The following KRCC1 variants were observed in gnomAD, a reference collection of about 807,000 sequenced individuals.
KRCC1 encodes lysine rich coiled-coil 1.
Under a neutral mutation model 7.4 loss-of-function variants are expected in KRCC1, and 3 were observed. That is an observed-to-expected ratio of 0.40 (90% CI 0.18 to 1.04). The LOEUF is 1.04. Among genes scored for constraint, KRCC1 ranks in the 50% least tolerant of loss-of-function variants. The probability of loss-of-function intolerance (pLI) is 0.33; values close to 1 mark genes in which losing one functional copy is unlikely to be tolerated. For missense variants in KRCC1, 277 were observed against 300.9 expected (o/e 0.92, Z 0.59); for synonymous variants, 102 against 101.6 (o/e 1.00, Z -0.02).
chr2:88,042,039 T>G (rs1404177619), intron 1 of KRCC1, among the ~76,000 whole-genome samples: 1 of 150,378 alleles, frequency 6.6e-6, no homozygotes, highest in Non-Finnish European at 1.5e-5. Flanking sequence ...TTCATCTTGT[T>G]ATGGGTTTAG....
rs1263223722 is a variant in KRCC1, at chr2:88,047,424, CAT to C, written c.-291+8200_-291+8201del. On this transcript the variant is annotated intron_variant, in intron 1 of 3. Coordinates refer to ENST00000347055, the MANE Select transcript of KRCC1 (RefSeq NM_016618.3). ...CATATGAAATGTTTTTCAGACATCTCATGTTTGATGAATAAATCAACTGAATT... is the reference window on the plus strand; with the variant it reads ...CATATGAAATGTTTTTCAGACATCTCGTTTGATGAATAAATCAACTGAATT... Among the ~76,000 whole-genome samples the C allele has an allele frequency of 3.3e-5, 5 of 151,964 alleles. 1 individual carries two copies. In the East Asian group the frequency reaches 9.7e-4, roughly 30 times the overall value.
In KRCC1 at chr2:88,027,444, A is replaced by C. The variant is rs1182983225; in HGVS notation, c.*340T>G. On this transcript the variant is annotated 3_prime_UTR_variant, in exon 4 of 4. Transcript: ENST00000347055. ...AAAACTATAACAAACCCAATCAAGA[A>C]ACAGATTGTGCAAAGGTCATTAATC... The C allele has an allele frequency of 1.0e-5, 2 of 193,764 alleles. No homozygotes were observed. Among genetic ancestry groups the C allele is most frequent in the Non-Finnish European group, 2.1e-5 (2 of 95,820 alleles). 12.0% of individuals were successfully genotyped at this position (193,764 alleles called of 1,614,324 possible).
chr2:88,045,244 G>A (rs1052755635), intron 1 of KRCC1, among the ~76,000 whole-genome samples: 1 of 152,066 alleles, frequency 6.6e-6, no homozygotes, highest in Non-Finnish European at 1.5e-5. Flanking sequence ...CTGTGTATTT[G>A]ACATGAAAAC....
At chr2:88,054,814 T>C (rs190432752) in intron 1 of KRCC1, among the ~76,000 whole-genome samples, 59 of 152,290 alleles carry the variant, frequency 3.9e-4, no homozygotes, top group African/African-American at 1.4e-3. Flanking sequence ...AGGTACATAT[T>C]AAAACTCAGC....
chr2:88,050,389 G>A (rs1265906379), intron 1 of KRCC1, among the ~76,000 whole-genome samples: 1 of 152,186 alleles, frequency 6.6e-6, no homozygotes, highest in East Asian at 1.9e-4. Flanking sequence ...AGGAGGCTGA[G>A]GTAGGCAGAT....
chr2:88,048,029 A>C (rs1673381680), intron 1 of KRCC1, among the ~76,000 whole-genome samples: 1 of 151,804 alleles, frequency 6.6e-6, no homozygotes, highest in African/African-American at 2.4e-5. Flanking sequence ...GACATTTTAT[A>C]TCTCTCCATC....
At chr2:88,052,217 CAG>C (rs1673505778) in intron 1 of KRCC1, among the ~76,000 whole-genome samples, 1 of 152,226 alleles carries the variant, frequency 6.6e-6, no homozygotes, top group Admixed American at 6.5e-5. Flanking sequence ...CTTAAACTGT[CAG>C]ACTTTTTTTT....
chr2:88,055,291 G>C (rs1273931361), intron 1 of KRCC1, among the ~76,000 whole-genome samples: 1 of 151,884 alleles, frequency 6.6e-6, no homozygotes, highest in African/African-American at 2.4e-5. Flanking sequence ...CTCAATTTTC[G>C]AGTTTCCTCA....
At chr2:88,040,823 G>A (rs1673195758) in intron 1 of KRCC1, among the ~76,000 whole-genome samples, 1 of 149,852 alleles carries the variant, frequency 6.7e-6, no homozygotes, top group African/African-American at 2.6e-5. Context: ...TGTGTTCTTG[G>A]TGAGGGGTTT....
intron 3 of KRCC1, among the ~76,000 whole-genome samples, chr2:88,029,831 TATAA>T (rs1672958234): frequency 1.6e-5 from 2 of 125,782 alleles, no homozygotes; most frequent in Non-Finnish European, 3.4e-5. Flanking sequence ...ATTATATATA[TATAA>T]AAAAATATAT....
intron 1 of KRCC1, among the ~76,000 whole-genome samples, chr2:88,040,845 T>C (rs1673196083): frequency 6.6e-6 from 1 of 152,076 alleles, no homozygotes; most frequent in Non-Finnish European, 1.5e-5. Flanking sequence ...TGGTAAAGAA[T>C]AGATTCTGAA....
At chr2:88,037,092 T>C (rs934416953) in intron 1 of KRCC1, 41 bp from the exon 2 acceptor site, 1 of 152,178 alleles carries the variant, frequency 6.6e-6, no homozygotes, top group Non-Finnish European at 1.5e-5. Context: ...TTATATTAAA[T>C]AGTTAAGGTA....
chr2:88,047,780 C>T (rs10202261), intron 1 of KRCC1, among the ~76,000 whole-genome samples: 99,959 of 151,964 alleles, frequency 0.66, 33,330 homozygotes, highest in South Asian at 0.81. Flanking sequence ...TCTGCCGCCT[C>T]GGCCTCTCAA....
intron 1 of KRCC1, among the ~76,000 whole-genome samples, chr2:88,047,064 C>T (rs975526181): frequency 6.6e-6 from 1 of 152,144 alleles, no homozygotes; most frequent in African/African-American, 2.4e-5. Context: ...ATATGAAACA[C>T]ATGACTCATA....
chr2:88,038,632 G>T (rs1277696489), intron 1 of KRCC1, among the ~76,000 whole-genome samples: 2 of 152,172 alleles, frequency 1.3e-5, no homozygotes, highest in African/African-American at 4.8e-5. Flanking sequence ...AATTTATAAA[G>T]GAAAAAGGTT....
At position 88,027,912 on chromosome 2, in the gene KRCC1, T is replaced by G. The variant is rs143315531; in HGVS notation, c.652A>C (p.Lys218Gln). The change falls in exon 4 of 4, where the codon AAG becomes CAG. Residue 218 changes from lysine to glutamine, a missense_variant. Transcript: ENST00000347055. ...HVSTEKLKNR[K>Q]EKKSRDVVSK... ...ACTACATCTCGGCTTTTTTTCTCCT[T>G]TCGATTCTTAAGCTTTTCTGTACTG... 6.1e-4 allele frequency: 981 copies of G among 1,614,066 alleles called. 8 individuals are homozygous for G. The African/African-American group carries it at 0.012, about 19-fold the overall frequency.
intron 1 of KRCC1, among the ~76,000 whole-genome samples, chr2:88,055,103 C>T (rs376178219): frequency 1.4e-5 from 2 of 145,750 alleles, no homozygotes; most frequent in South Asian, 2.2e-4. Flanking sequence ...CCCCCCTAAA[C>T]CTCATCCCCT....
chr2:88,035,381 T>C (rs1316277585), intron 2 of KRCC1, among the ~76,000 whole-genome samples: 2 of 152,204 alleles, frequency 1.3e-5, no homozygotes, highest in East Asian at 3.8e-4. Flanking sequence ...TGAAGTGTTG[T>C]GTAGGATTCT....
intron 1 of KRCC1, among the ~76,000 whole-genome samples, chr2:88,054,787 G>A (rs1412510484): frequency 2.0e-5 from 3 of 152,192 alleles, no homozygotes; most frequent in African/African-American, 4.8e-5. Flanking sequence ...CCAGCTTCGT[G>A]TATCTCTGAC....
Sources: gnomAD v4.1 joint callset for allele counts (sites outside exome capture counted in the v4.1 genomes callset) on GRCh38, gnomAD v4.1.1 for gene constraint, MANE v1.5 for transcripts, NCBI Gene and HGNC (gene_info 2026-07-23, HGNC 2026-07-21) for gene names.